CADM2: variants seen among roughly 807,000 people sequenced by gnomAD.
CADM2 encodes cell adhesion molecule 2, also known as immunoglobulin superfamily member 4D.
In CADM2, 12 loss-of-function variants were observed where a neutral mutation model predicts 49.8. The ratio of observed to expected loss-of-function variants is 0.24; its 90% confidence interval spans 0.15 to 0.39. The LOEUF (loss-of-function observed/expected upper bound fraction) is 0.39, where lower values mean the gene tolerates loss of function less well. Ranked by LOEUF, CADM2 falls within the 10% of genes least tolerant of loss-of-function variation. The pLI, the probability that CADM2 is intolerant of heterozygous loss-of-function variation, is 1.00. For synonymous variants in CADM2, 214 were observed against 175.4 expected (o/e 1.22, Z -1.74); for missense variants, 378 against 492.3 (o/e 0.77, Z 2.20).
chr3:85,590,587 T>G (rs368019031), intron 1 of CADM2, among the ~76,000 whole-genome samples: 13 of 151,978 alleles, frequency 8.6e-5, no homozygotes, highest in African/African-American at 7.2e-5. Flanking sequence ...CAAATTCCAT[T>G]TAAGCGAGAA....
intron 1 of CADM2, among the ~76,000 whole-genome samples, chr3:85,289,158 A>G (rs1030978177): frequency 6.6e-6 from 1 of 152,190 alleles, no homozygotes; most frequent in Non-Finnish European, 1.5e-5. Context: ...TGGCAAGCTT[A>G]AATTTACCCA....
chr3:85,518,259 C>T (rs185758858), intron 1 of CADM2, among the ~76,000 whole-genome samples: 48 of 152,214 alleles, frequency 3.2e-4, no homozygotes, highest in African/African-American at 1.1e-3. Context: ...CCAAAGTGCT[C>T]GGATTACAGG....
intron 1 of CADM2, among the ~76,000 whole-genome samples, chr3:85,029,011 C>A (rs2034860819): frequency 6.6e-6 from 1 of 151,506 alleles, no homozygotes; most frequent in African/African-American, 2.4e-5. Context: ...ACTATTATAA[C>A]ACGTATTTAA....
chr3:85,685,369 C>CAGACAGTAGAACTAGCTATTTT (rs2066170381), intron 1 of CADM2, among the ~76,000 whole-genome samples: 1 of 152,064 alleles, frequency 6.6e-6, no homozygotes, highest in East Asian at 1.9e-4. Flanking sequence ...TTAATCACCA[C>CAGACAGTAGAACTAGCTATTTT]AGACAGTAGA....
At chr3:85,785,352 A>G (rs1164966004) in intron 2 of CADM2, among the ~76,000 whole-genome samples, 2 of 152,038 alleles carry the variant, frequency 1.3e-5, no homozygotes, top group African/African-American at 4.8e-5. Context: ...CTTCTTTAGG[A>G]AATAAGACAA....
At chr3:85,836,993 T>TG (rs764645837) in intron 3 of CADM2, among the ~76,000 whole-genome samples, 3 of 151,572 alleles carry the variant, frequency 2.0e-5, no homozygotes, top group South Asian at 4.1e-4. Flanking sequence ...ATCATTTTCT[T>TG]CTGTAGTTGT....
intron 1 of CADM2, among the ~76,000 whole-genome samples, chr3:85,347,612 T>A (rs2030855674): frequency 1.9e-5 from 2 of 107,018 alleles, no homozygotes. Context: ...TATATAAAAA[T>A]ATATATACAT....
intron 1 of CADM2, among the ~76,000 whole-genome samples, chr3:85,553,478 C>A (rs1166466730): frequency 3.3e-5 from 5 of 152,032 alleles, no homozygotes; most frequent in African/African-American, 1.2e-4. Flanking sequence ...TCACTTGGAA[C>A]AAATACTTAT....
chr3:85,483,092 G>A (rs1364107143), intron 1 of CADM2, among the ~76,000 whole-genome samples: 1 of 151,322 alleles, frequency 6.6e-6, no homozygotes, highest in Non-Finnish European at 1.5e-5. Flanking sequence ...AAATAGTATA[G>A]TATGGGTTTT....
intron 1 of CADM2, among the ~76,000 whole-genome samples, chr3:85,541,901 C>G (rs528760076): frequency 5.3e-5 from 8 of 150,502 alleles, no homozygotes; most frequent in Non-Finnish European, 7.4e-5. Flanking sequence ...AGCATAAGAA[C>G]GACATGGAGT....
chr3:85,439,815 A>G (rs144829529), intron 1 of CADM2, among the ~76,000 whole-genome samples: 1 of 152,194 alleles, frequency 6.6e-6, no homozygotes, highest in Non-Finnish European at 1.5e-5. Flanking sequence ...TCTGTTCAGA[A>G]TATTCAGTTA....
Position 86,066,897 on chromosome 3 carries a change from T to C in CADM2, c.*114T>C, listed in dbSNP as rs561627889. Reference sequence around the variant, plus strand: ...CTGCTACCCTTATTAACTCCCATACTGTACTGCTATCAGTAGCCAGTGTAT... The same window carrying C: ...CTGCTACCCTTATTAACTCCCATACCGTACTGCTATCAGTAGCCAGTGTAT... On this transcript the variant is annotated 3_prime_UTR_variant, in exon 10 of 10. Transcript: ENST00000383699. The C allele has an allele frequency of 2.2e-5, 16 of 720,758 alleles. No homozygotes were observed. The highest frequency in any genetic ancestry group is 1.4e-4 in the Admixed American group (7 of 48,406). The allele number at this position is 720,758 out of a possible 1,614,324, so 44.6% of individuals were successfully genotyped here. A position where few individuals can be genotyped will look rare whatever the true frequency, so the allele number is the denominator to read the frequency against.
At chr3:85,561,028 C>G (rs1220047467) in intron 1 of CADM2, among the ~76,000 whole-genome samples, 1 of 152,070 alleles carries the variant, frequency 6.6e-6, no homozygotes, top group African/African-American at 2.4e-5. Context: ...CTGTTTCATG[C>G]TTATTGTCTA....
chr3:86,039,363 G>T (rs540674289), intron 8 of CADM2, among the ~76,000 whole-genome samples: 1 of 152,232 alleles, frequency 6.6e-6, no homozygotes, highest in East Asian at 1.9e-4. Flanking sequence ...ATAGCACCTG[G>T]AAAATAGGGT....
At chr3:85,040,023 A>G (rs1215791348) in intron 1 of CADM2, among the ~76,000 whole-genome samples, 1 of 152,194 alleles carries the variant, frequency 6.6e-6, no homozygotes, top group Non-Finnish European at 1.5e-5. Flanking sequence ...CAGTTCATTG[A>G]AGGTAAAATT....
At position 85,189,155 on chromosome 3, in the gene CADM2, T is replaced by TTA. The variant is rs570437150; in HGVS notation, c.61+229495_61+229496dup. Among the ~76,000 whole-genome samples, 31 of 151,898 alleles carry TTA rather than the reference T, an allele frequency of 2.0e-4. No individual in the cohort carries two copies. In the East Asian group the frequency reaches 3.1e-3, roughly 15 times the overall value. Reference sequence around the variant, plus strand: ...TGATACAGAAAGTAAGCTATTAATATTATATATATTCAAACTAATCACAAT... The same window carrying TTA: ...TGATACAGAAAGTAAGCTATTAATATTATATATATATTCAAACTAATCACAAT... On this transcript the variant is annotated intron_variant, in intron 1 of 9. Transcript: ENST00000383699.
chr3:85,344,488 A>AGGG (rs1346827050), intron 1 of CADM2, among the ~76,000 whole-genome samples: 1 of 151,956 alleles, frequency 6.6e-6, no homozygotes, highest in African/African-American at 2.4e-5. Context: ...TGTAAAGACC[A>AGGG]GGGGGGTGTT....
intron 2 of CADM2, among the ~76,000 whole-genome samples, chr3:85,801,132 T>G (rs1224418236): frequency 1.3e-5 from 2 of 152,190 alleles, no homozygotes; most frequent in Non-Finnish European, 2.9e-5. Flanking sequence ...GAGTTTATCT[T>G]CAGATCATCT....
chr3:85,916,297 A>G (rs1359642024), intron 6 of CADM2, among the ~76,000 whole-genome samples: 1 of 150,464 alleles, frequency 6.6e-6, no homozygotes, highest in East Asian at 2.0e-4. Flanking sequence ...CGTTAGGTAT[A>G]TCTCCTAATA....
Sources: gnomAD v4.1 joint callset for allele counts (sites outside exome capture counted in the v4.1 genomes callset) on GRCh38, gnomAD v4.1.1 for gene constraint, MANE v1.5 for transcripts, NCBI Gene and HGNC (gene_info 2026-07-23, HGNC 2026-07-21) for gene names.